Variants in DOK7 observed in about 807,000 individuals in gnomAD.
The protein encoded by DOK7 is docking protein 7.
DOK7 carries 32 observed loss-of-function variants against 30.7 expected under a neutral mutation model. The ratio of observed to expected loss-of-function variants is 1.04; its 90% CI spans 0.79 to 1.40. DOK7 has a LOEUF of 1.40. DOK7 is among the 40% of genes most tolerant of loss of function. The probability of loss-of-function intolerance (pLI) is 0.00; values close to 1 mark genes in which losing one functional copy is unlikely to be tolerated. For synonymous variants in DOK7, 447 were observed against 324.1 expected, an observed-to-expected ratio of 1.38 and a Z score of -4.07; for missense variants, 1,007 against 699.2, an observed-to-expected ratio of 1.44 and a Z score of -4.97.
chr4:3,481,666 C>G (rs796095600), intron 4 of DOK7, among the ~76,000 whole-genome samples: 5 of 152,168 alleles, frequency 3.3e-5, no homozygotes, highest in African/African-American at 1.2e-4. Context: ...CTGGCATGAG[C>G]CATCCAGGAC....
At chr4:3,495,645 GCTC>G (rs1728866025), downstream of DOK7, among the ~76,000 whole-genome samples, 1 of 152,222 alleles carries the variant, frequency 6.6e-6, no homozygotes, top group Non-Finnish European at 1.5e-5. Flanking sequence ...CAGGCTGGGG[GCTC>G]CTCCTCAGGC....
chr4:3,489,751 A>G lies in DOK7; in HGVS notation c.727A>G (p.Lys243Glu). The stretch of plus-strand genomic sequence containing the variant: ...AGCCCTGGAAACCCTACAGCTGGAG[A>G]AGCGGCTGAGCCTCCTCTCACATGC... ...QEALETLQLEKRLSLLSHAGR... is the reference protein window; with the variant it reads ...QEALETLQLEERLSLLSHAGR... Residue 243 changes from lysine to glutamate, a missense_variant, in exon 6 of 7, where the codon AAG becomes GAG. Lys to Glu is a moderately conservative substitution (Grantham distance 56, BLOSUM62 1). Transcript: ENST00000340083. 1.9e-6 allele frequency: 3 copies of G among 1,571,052 alleles called. No individual in the cohort carries two copies. The highest frequency in any genetic ancestry group is 2.6e-6 in the Non-Finnish European group (3 of 1,158,068).
At chr4:3,489,962 G>A (rs775487604) in intron 6 of DOK7, among the ~76,000 whole-genome samples, 166 bp downstream of exon 6, 7 of 55,056 alleles carry the variant, frequency 1.3e-4, no homozygotes, top group Non-Finnish European at 2.3e-4. Flanking sequence ...CGCCCCGCCC[G>A]CTACTCATTC....
downstream of DOK7, among the ~76,000 whole-genome samples, chr4:3,497,382 G>C (rs920718045): frequency 6.6e-6 from 1 of 152,018 alleles, no homozygotes; most frequent in African/African-American, 2.4e-5. Flanking sequence ...GCCCTGGCAG[G>C]TGCAGTTTTG....
intron 4 of DOK7, among the ~76,000 whole-genome samples, chr4:3,480,054 C>G (rs1219941898): frequency 6.6e-6 from 1 of 152,216 alleles, no homozygotes; most frequent in African/African-American, 2.4e-5. Flanking sequence ...CGCCCTGGGA[C>G]AGGCTCAGCT....
intron 2 of DOK7, among the ~76,000 whole-genome samples, chr4:3,473,124 G>A (rs1029341936): frequency 2.0e-5 from 3 of 152,208 alleles, no homozygotes; most frequent in Admixed American, 6.5e-5. Context: ...GGGCAAATCC[G>A]CCAGTGAAGG....
In DOK7 at chr4:3,463,404, A is replaced by C. The variant is rs1249658401; in HGVS notation, c.29A>C (p.Gln10Pro). Residue 10 changes from glutamine to proline, a missense_variant, in exon 1 of 7, where the codon CAG becomes CCG. Transcript: ENST00000340083. ...ACCGAGGCGGCGCTGGTGGAGGGCC[A>C]GGTCAAGCTGCGGGACGGCAAGAAG... MTEAALVEG[Q>P]VKLRDGKKWK... is the part of the protein sequence containing the mutation. 2 of 1,350,802 alleles carry C rather than the reference A, an allele frequency of 1.5e-6. No individual in the cohort carries two copies. Among genetic ancestry groups the C allele is most frequent in the Admixed American group, 6.0e-5 (2 of 33,336 alleles). 83.7% of individuals were successfully genotyped at this position (1,350,802 alleles called of 1,614,324 possible).
intron 4 of DOK7, among the ~76,000 whole-genome samples, chr4:3,483,569 C>A (rs1002970734): frequency 6.6e-6 from 1 of 152,176 alleles, no homozygotes; most frequent in African/African-American, 2.4e-5. Flanking sequence ...CCAGGCCTTG[C>A]CCGGTTGACC....
At chr4:3,497,877 C>A (rs1008503459), downstream of DOK7, among the ~76,000 whole-genome samples, 21 of 152,142 alleles carry the variant, frequency 1.4e-4, no homozygotes, top group African/African-American at 4.6e-4. Context: ...TGGGGCCAGC[C>A]CTGCCCCAAG....
At chr4:3,472,795 G>A (rs1406252395) in intron 2 of DOK7, among the ~76,000 whole-genome samples, 2 of 152,244 alleles carry the variant, frequency 1.3e-5, no homozygotes, top group Non-Finnish European at 2.9e-5. Context: ...CAGCAGCCGA[G>A]GAAGAGACTA....
chr4:3,500,689 CA>C lies in DOK7; in HGVS notation c.1262-2del. Reference sequence around the variant, plus strand: ...GCTGCCGCTCACTACAGAATTCTTTCAGGGGCTGGCGCCTCCCTCTACGCCC... The same window carrying C: ...GCTGCCGCTCACTACAGAATTCTTTCGGGGCTGGCGCCTCCCTCTACGCCC... On this transcript the variant is annotated splice_acceptor_variant, in intron 7 of 7. Transcript: ENST00000643608. LOFTEE classifies it high-confidence loss of function. 6.5e-7 allele frequency: 1 copy of C among 1,535,836 alleles called. No individual in the cohort carries two copies. Among genetic ancestry groups the C allele is most frequent in the Middle Eastern group, 1.7e-4 (1 of 5,874 alleles).
intron 4 of DOK7, among the ~76,000 whole-genome samples, chr4:3,480,815 C>G (rs1412291579): frequency 6.6e-6 from 1 of 152,028 alleles, no homozygotes; most frequent in African/African-American, 2.4e-5. Flanking sequence ...GGCGCTGGGC[C>G]TAGGGATCAG....
intron 6 of DOK7, among the ~76,000 whole-genome samples, chr4:3,499,663 G>C (rs997770577): frequency 6.6e-6 from 1 of 151,286 alleles, no homozygotes; most frequent in Non-Finnish European, 1.5e-5. Context: ...GAAGGGAGTA[G>C]CTCCTATGAG....
Position 3,476,453 on chromosome 4 carries a change from T to C in DOK7, c.443T>C (p.Val148Ala). The change falls in exon 4 of 7, where the codon GTC (valine) becomes GCC (alanine). Residue 148 changes from valine to alanine, a missense_variant. By Grantham distance (64) the Val-to-Ala change is moderately conservative. Transcript: ENST00000340083. ...LVLARDIPPA[V>A]TGQWKLSDLR... ...TTGGCCAGGGACATCCCCCCGGCTG[T>C]CACGGGGCAGTGGAAGCTGTCTGAC... is the stretch of plus-strand genomic sequence containing the variant. The C allele has an allele frequency of 6.2e-7, 1 of 1,613,788 alleles. No homozygotes were observed. Among genetic ancestry groups the C allele is most frequent in the Non-Finnish European group, 8.5e-7 (1 of 1,180,024 alleles).
chr4:3,485,313 G>A (rs1458323993), intron 4 of DOK7: 1 of 552,094 alleles, frequency 1.8e-6, no homozygotes, highest in Non-Finnish European at 3.0e-6. Context: ...GAGTCCAGAG[G>A]CTCTGGGGAC....
At chr4:3,463,640 C>A in intron 2 of DOK7, 89 bp downstream of exon 2, 1 of 1,466,368 alleles carries the variant, frequency 6.8e-7, no homozygotes, top group Non-Finnish European at 9.2e-7. Flanking sequence ...TGCCCAAAAT[C>A]GCCGCCGCTG....
In DOK7 at chr4:3,476,507, G is replaced by A; in HGVS notation, c.497G>A (p.Gly166Glu). The stretch of plus-strand genomic sequence containing the variant: ...CGGCGCTACGGGGCCGTGCCAAGCG[G>A]ATTCATCTTTGAAGGCGGGACCAGG... ...DLRRYGAVPS[G>E]FIFEGGTRCG... Residue 166 changes from glycine to glutamate, a missense_variant, in exon 4 of 7, where the codon GGA (glycine) becomes GAA (glutamate). Gly to Glu is a moderately conservative substitution (Grantham distance 98). Transcript: ENST00000340083. 1 of 1,613,968 alleles carries A rather than the reference G, an allele frequency of 6.2e-7. No individual in the cohort carries two copies.
chr4:3,497,516 G>A (rs1463867165), downstream of DOK7, among the ~76,000 whole-genome samples: 1 of 152,172 alleles, frequency 6.6e-6, no homozygotes, highest in African/African-American at 2.4e-5. Context: ...GCAGGGCTGA[G>A]AGGCTGGAGA....
At chr4:3,490,396 G>GTCCTTCATTACCCCCTGCTCATTCAT (rs147752087) in intron 6 of DOK7, among the ~76,000 whole-genome samples, 3 of 44,346 alleles carry the variant, frequency 6.8e-5, no homozygotes, top group African/African-American at 3.2e-4. Context: ...TGCTCATTCA[G>GTCCTTCATTACCCCCTGCTCATTCAT]TCCTTCTTTC....
Sources: allele counts gnomAD v4.1 joint callset (sites outside exome capture counted in the v4.1 genomes callset), GRCh38; gene constraint gnomAD v4.1.1; transcripts MANE v1.5; gene names NCBI Gene and HGNC (gene_info 2026-07-23, HGNC 2026-07-21).